Variants in MACROD2 observed in about 807,000 individuals in gnomAD.
The protein encoded by MACROD2 is mono-ADP ribosylhydrolase 2, also known as ADP-ribose glycohydrolase MACROD2.
MACROD2 carries 36 observed loss-of-function variants against 70.4 expected under a neutral mutation model. The observed-to-expected ratio is 0.51, with a 90% CI of 0.39 to 0.68. The LOEUF is 0.68. Among genes scored for constraint, MACROD2 ranks in the 30% least tolerant of loss-of-function variants. MACROD2 has a pLI of 0.00. For missense variants in MACROD2, 496 were observed against 538.4 expected, an observed-to-expected ratio of 0.92 and a Z score of 0.78; for synonymous variants, 172 against 178.8, an observed-to-expected ratio of 0.96 and a Z score of 0.30.
chr20:14,846,914 T>G (rs1245152706), intron 5 of MACROD2, among the ~76,000 whole-genome samples: 4 of 152,222 alleles, frequency 2.6e-5, no homozygotes, highest in African/African-American at 7.2e-5. Flanking sequence ...GCTAAAATAA[T>G]TAACAATAAT....
In MACROD2 at chr20:15,485,974, G is replaced by A. The variant is rs180981167; in HGVS notation, c.572-13800G>A. On this transcript the variant is annotated intron_variant, in intron 7 of 17. Coordinates refer to ENST00000684519, the MANE Select transcript of MACROD2 (RefSeq NM_001351661.2). ...TTCATTTTAGATGATTTAAAGAAAC[G>A]TATCCATATTACTAGGATGTGGTGA... Among the ~76,000 whole-genome samples the A allele has an allele frequency of 3.3e-3, 509 of 152,244 alleles. 4 individuals carry two copies. Among genetic ancestry groups the A allele is most frequent in the Non-Finnish European group, 5.7e-3 (386 of 68,016 alleles).
chr20:15,062,329 T>C (rs939244042), intron 5 of MACROD2, among the ~76,000 whole-genome samples: 1 of 152,186 alleles, frequency 6.6e-6, no homozygotes, highest in Non-Finnish European at 1.5e-5. Context: ...ATGATTTGTT[T>C]TGAAAGTATA....
intron 8 of MACROD2, among the ~76,000 whole-genome samples, chr20:15,685,043 A>G (rs1330238234): frequency 2.6e-5 from 4 of 152,172 alleles, no homozygotes; most frequent in Non-Finnish European, 5.9e-5. Context: ...ATAAATCATA[A>G]TAAGTAACAT....
chr20:15,286,434 T>C (rs2077492111), intron 6 of MACROD2, among the ~76,000 whole-genome samples: 1 of 152,204 alleles, frequency 6.6e-6, no homozygotes, highest in African/African-American at 2.4e-5. Flanking sequence ...TGAATACTAA[T>C]GATGCACTAG....
intron 8 of MACROD2, among the ~76,000 whole-genome samples, chr20:15,580,110 A>C (rs1420007288): frequency 2.0e-5 from 3 of 152,212 alleles, no homozygotes; most frequent in Non-Finnish European, 2.9e-5. Flanking sequence ...GACAGTAGTC[A>C]TTTTGCAATG....
intron 5 of MACROD2, among the ~76,000 whole-genome samples, chr20:14,796,651 C>T (rs2072512987): frequency 6.6e-6 from 1 of 151,992 alleles, no homozygotes; most frequent in East Asian, 1.9e-4. Context: ...TGGCAAAAAG[C>T]ATTACTTGGA....
rs994178302 is a variant in MACROD2 at position 15,909,808 on chromosome 20, C to A, written c.776-23468C>A. Among the ~76,000 whole-genome samples the A allele has an allele frequency of 3.0e-4, 45 of 152,128 alleles. 3 individuals are homozygous for A. The highest frequency in any genetic ancestry group is 2.9e-5 in the Non-Finnish European group (2 of 68,030). ...AAAGTGCTGGGATTATAGGCGTGAGCCACCGCGCCCGGCCGTAATACAATT... is the reference window on the plus strand; with the variant it reads ...AAAGTGCTGGGATTATAGGCGTGAGACACCGCGCCCGGCCGTAATACAATT... On this transcript the variant is annotated intron_variant, in intron 10 of 17. Transcript: ENST00000684519.
chr20:14,261,067 C>G (rs1221438209), intron 3 of MACROD2, among the ~76,000 whole-genome samples: 1 of 152,106 alleles, frequency 6.6e-6, no homozygotes, highest in African/African-American at 2.4e-5. Flanking sequence ...CCAGCATGTA[C>G]TTGATGTTAA....
At chr20:14,205,749 G>A (rs1374837913) in intron 3 of MACROD2, among the ~76,000 whole-genome samples, 1 of 152,182 alleles carries the variant, frequency 6.6e-6, no homozygotes, top group Non-Finnish European at 1.5e-5. Context: ...GTCTTTGCAG[G>A]AAGTGGAGCC....
chr20:15,515,942 T>C (rs937689012), intron 8 of MACROD2, among the ~76,000 whole-genome samples: 11 of 152,192 alleles, frequency 7.2e-5, no homozygotes, highest in African/African-American at 2.7e-4. Context: ...AAGCTTATCC[T>C]CAGGACAAAT....
At chr20:15,651,326 T>G (rs1450066087) in intron 8 of MACROD2, among the ~76,000 whole-genome samples, 1 of 152,216 alleles carries the variant, frequency 6.6e-6, no homozygotes, top group Non-Finnish European at 1.5e-5. Context: ...AACTGCTTTA[T>G]AGGCATTTAT....
rs572453806 is a variant in MACROD2, at chr20:14,806,394, G to C, written c.418+121435G>C. 1.1e-4 allele frequency among the ~76,000 whole-genome samples: 17 copies of C among 152,128 alleles called. No homozygotes were observed. The South Asian group carries it at 3.1e-3, about 28-fold the overall frequency. Reference sequence around the variant, plus strand: ...CTAGCCAAGGGAAGTCTTGAGGGACGGTGCTATCCAGCCCAGATACTATGC... The same window carrying C: ...CTAGCCAAGGGAAGTCTTGAGGGACCGTGCTATCCAGCCCAGATACTATGC... On this transcript the variant is annotated intron_variant, in intron 5 of 17. Transcript: ENST00000684519.
chr20:15,219,619 T>C (rs1018950331), intron 5 of MACROD2, among the ~76,000 whole-genome samples: 2 of 152,154 alleles, frequency 1.3e-5, no homozygotes, highest in Non-Finnish European at 2.9e-5. Flanking sequence ...ATACAACAGT[T>C]CCTTAAGAAA....
chr20:15,222,832 G>T (rs1410283796), intron 5 of MACROD2, among the ~76,000 whole-genome samples: 3 of 152,152 alleles, frequency 2.0e-5, no homozygotes, highest in Admixed American at 6.5e-5. Context: ...TTCACAGAAT[G>T]TTTTTGCTGC....
At chr20:15,009,808 T>A (rs1359369732) in intron 5 of MACROD2, among the ~76,000 whole-genome samples, 1 of 151,686 alleles carries the variant, frequency 6.6e-6, no homozygotes, top group African/African-American at 2.4e-5. Context: ...GAATACATTG[T>A]TTCGGCTTAG....
intron 2 of MACROD2, among the ~76,000 whole-genome samples, chr20:14,063,737 C>CT (rs1364094553): frequency 4.0e-5 from 6 of 151,810 alleles, no homozygotes; most frequent in African/African-American, 1.2e-4. Context: ...TGGTCCCAAG[C>CT]TTTTTTTTGA....
intron 4 of MACROD2, among the ~76,000 whole-genome samples, chr20:14,600,832 C>T (rs1356140695): frequency 1.3e-5 from 2 of 152,126 alleles, no homozygotes; most frequent in East Asian, 3.8e-4. Flanking sequence ...TCTTGCAGCC[C>T]AGGTATACTG....
intron 8 of MACROD2, among the ~76,000 whole-genome samples, chr20:15,738,553 G>A (rs1228096356): frequency 1.3e-5 from 2 of 151,958 alleles, no homozygotes; most frequent in Non-Finnish European, 2.9e-5. Context: ...GAAGAGTGAA[G>A]GTAATATTGA....
intron 8 of MACROD2, among the ~76,000 whole-genome samples, chr20:15,593,245 T>A (rs2048702580): frequency 6.6e-6 from 1 of 152,220 alleles, no homozygotes; most frequent in African/African-American, 2.4e-5. Flanking sequence ...AGGACTTAAT[T>A]CTGACACCTT....
Sources: gnomAD v4.1 joint callset for allele counts (sites outside exome capture counted in the v4.1 genomes callset) on GRCh38, gnomAD v4.1.1 for gene constraint, MANE v1.5 for transcripts, NCBI Gene and HGNC (gene_info 2026-07-23, HGNC 2026-07-21) for gene names.